Variants in CTTNBP2NL observed in about 807,000 individuals in gnomAD.
CTTNBP2NL encodes CTTNBP2 N-terminal like, also known as CTTNBP2 N-terminal-like protein.
A neutral mutation model predicts 32.5 loss-of-function variants in CTTNBP2NL; 16 were observed. That is an observed-to-expected ratio of 0.49 (90% CI 0.33 to 0.75). The LOEUF (loss-of-function observed/expected upper bound fraction) is 0.75, where lower values mean the gene tolerates loss of function less well. Ranked by LOEUF, CTTNBP2NL falls within the 30% of genes least tolerant of loss-of-function variation. CTTNBP2NL has a pLI of 0.02. For synonymous variants in CTTNBP2NL, 298 were observed against 289.4 expected, an observed-to-expected ratio of 1.03 and a Z score of -0.30; for missense variants, 645 against 756.0, an observed-to-expected ratio of 0.85 and a Z score of 1.72.
At chr1:112,397,869 T>G (rs1226226971) in intron 1 of CTTNBP2NL, among the ~76,000 whole-genome samples, 2 of 152,226 alleles carry the variant, frequency 1.3e-5, no homozygotes, top group Non-Finnish European at 2.9e-5. Flanking sequence ...CCTTCTTGAT[T>G]AGACTTTCTG....
At chr1:112,430,382 C>T (rs187421091) in intron 3 of CTTNBP2NL, among the ~76,000 whole-genome samples, 1 of 151,626 alleles carries the variant, frequency 6.6e-6, no homozygotes, top group African/African-American at 2.4e-5. Flanking sequence ...TGCACCACGA[C>T]ACCCACCTAT....
intron 3 of CTTNBP2NL, among the ~76,000 whole-genome samples, chr1:112,441,879 A>G (rs1228121686): frequency 6.6e-6 from 1 of 152,128 alleles, no homozygotes; most frequent in Non-Finnish European, 1.5e-5. Context: ...TGTATATGGT[A>G]TAAGGTATGC....
chr1:112,395,135 G>A (rs958995094), upstream of CTTNBP2NL, among the ~76,000 whole-genome samples: 5 of 152,168 alleles, frequency 3.3e-5, no homozygotes, highest in Admixed American at 3.3e-4. Flanking sequence ...GCTGTCTTGC[G>A]AATTATAATT....
intron 3 of CTTNBP2NL, 146 bp downstream of exon 3, chr1:112,416,410 A>C (rs1312362059): frequency 7.2e-6 from 4 of 556,586 alleles, no homozygotes; most frequent in Non-Finnish European, 1.2e-5. Context: ...AGCCACCTAC[A>C]TTGTGTGTTA....
intron 2 of CTTNBP2NL, chr1:112,415,834 C>T (rs895706358): frequency 2.4e-5 from 7 of 286,176 alleles, no homozygotes; most frequent in Non-Finnish European, 3.9e-5. Context: ...GGATTACAGG[C>T]ATGAGCCACT....
At chr1:112,393,928 C>T (rs1318099740), upstream of CTTNBP2NL, among the ~76,000 whole-genome samples, 1 of 152,040 alleles carries the variant, frequency 6.6e-6, no homozygotes, top group African/African-American at 2.4e-5. Flanking sequence ...GAGGACCTGC[C>T]GGGCATGGTG....
At chr1:112,408,686 T>C (rs1648760461) in intron 1 of CTTNBP2NL, among the ~76,000 whole-genome samples, 1 of 152,224 alleles carries the variant, frequency 6.6e-6, no homozygotes. Flanking sequence ...TTTTTTATTA[T>C]TATTTCATGT....
chr1:112,422,710 ATAT>A (rs1380830850), intron 3 of CTTNBP2NL, among the ~76,000 whole-genome samples: 3 of 152,200 alleles, frequency 2.0e-5, no homozygotes, highest in East Asian at 3.9e-4. Context: ...TAAAATTTGC[ATAT>A]TATTGTTGGC....
intron 5 of CTTNBP2NL, among the ~76,000 whole-genome samples, chr1:112,455,382 G>C (rs556061539): frequency 3.3e-5 from 5 of 152,146 alleles, no homozygotes; most frequent in African/African-American, 1.2e-4. Context: ...GCGCATGACT[G>C]ATCCCAGCTA....
At chr1:112,407,823 G>A (rs1050257349) in intron 1 of CTTNBP2NL, among the ~76,000 whole-genome samples, 5 of 146,958 alleles carry the variant, frequency 3.4e-5, no homozygotes, top group African/African-American at 7.5e-5. Context: ...TAACAAAAAC[G>A]GCTTTCTTTT....
intron 3 of CTTNBP2NL, among the ~76,000 whole-genome samples, chr1:112,439,028 G>A (rs112490097): frequency 6.5e-4 from 99 of 152,190 alleles, no homozygotes; most frequent in Non-Finnish European, 1.3e-3. Context: ...TTCTTTCTAC[G>A]TAAGGCTACA....
chr1:112,419,032 A>G (rs1649147699), intron 3 of CTTNBP2NL, among the ~76,000 whole-genome samples: 1 of 152,152 alleles, frequency 6.6e-6, no homozygotes, highest in Non-Finnish European at 1.5e-5. Context: ...CATCTATACA[A>G]TGATAAATGG....
intron 1 of CTTNBP2NL, among the ~76,000 whole-genome samples, chr1:112,407,468 G>A (rs995229310): frequency 5.9e-5 from 9 of 152,226 alleles, no homozygotes; most frequent in South Asian, 2.1e-4. Context: ...ACTCTGACCC[G>A]TCTATATCTC....
At chr1:112,404,889 T>C (rs1319325652) in intron 1 of CTTNBP2NL, among the ~76,000 whole-genome samples, 1 of 152,042 alleles carries the variant, frequency 6.6e-6, no homozygotes, top group African/African-American at 2.4e-5. Flanking sequence ...CCGTCTCTAC[T>C]AAAAATACAA....
chr1:112,449,224 T>A (rs116022331), intron 4 of CTTNBP2NL, 52 bp downstream of exon 4: 1 of 1,056,234 alleles, frequency 9.5e-7, no homozygotes, highest in Admixed American at 2.1e-5. Flanking sequence ...TTATAAATTA[T>A]GCCTGATACT....
chr1:112,439,799 C>T (rs1649845869), intron 3 of CTTNBP2NL, among the ~76,000 whole-genome samples: 1 of 152,174 alleles, frequency 6.6e-6, no homozygotes, highest in African/African-American at 2.4e-5. Context: ...CATTAGATTG[C>T]CGATTGCTCC....
At chr1:112,419,910 G>A (rs1342405647) in intron 3 of CTTNBP2NL, among the ~76,000 whole-genome samples, 3 of 152,068 alleles carry the variant, frequency 2.0e-5, no homozygotes, top group Admixed American at 2.0e-4. Flanking sequence ...TGGGATGGGT[G>A]GTTTCGATCA....
intron 4 of CTTNBP2NL, among the ~76,000 whole-genome samples, chr1:112,452,212 T>C (rs1650241071): frequency 6.6e-6 from 1 of 151,880 alleles, no homozygotes; most frequent in South Asian, 2.1e-4. Flanking sequence ...TGGGCGGGAG[T>C]ACAGTGGCTA....
At chr1:112,427,554 C>A (rs1649437415) in intron 3 of CTTNBP2NL, among the ~76,000 whole-genome samples, 1 of 152,168 alleles carries the variant, frequency 6.6e-6, no homozygotes, top group Admixed American at 6.6e-5. Flanking sequence ...ACCCCTCAGA[C>A]AACCCATGAT....
Sources: allele counts gnomAD v4.1 joint callset (sites outside exome capture counted in the v4.1 genomes callset), GRCh38; gene constraint gnomAD v4.1.1; transcripts MANE v1.5; gene names NCBI Gene and HGNC (gene_info 2026-07-23, HGNC 2026-07-21).